Variants in HEMK2 observed in about 807,000 individuals in gnomAD.
HEMK2 encodes methyltransferase HEMK2.
At chr21:28,669,966 G>A in the HEMK2 span, among the ~76,000 whole-genome samples, 1 of 152,208 alleles carries the variant, frequency 6.6e-6, no homozygotes, top group Non-Finnish European at 1.5e-5. Context: ...ATACTACTAG[G>A]AAGTATTCTC....
the HEMK2 span, among the ~76,000 whole-genome samples, chr21:28,822,321 G>A: frequency 1.3e-5 from 2 of 152,210 alleles, no homozygotes; most frequent in Non-Finnish European, 2.9e-5. Flanking sequence ...TATAAGGTTT[G>A]ACTATTTTAA....
the HEMK2 span, among the ~76,000 whole-genome samples, chr21:28,822,249 AT>A: frequency 1.3e-5 from 2 of 152,102 alleles, no homozygotes; most frequent in Non-Finnish European, 2.9e-5. Context: ...AAAATAAAGT[AT>A]TTTTTCATTT....
At chr21:28,689,083 A>G in the HEMK2 span, among the ~76,000 whole-genome samples, 2 of 151,930 alleles carry the variant, frequency 1.3e-5, no homozygotes, top group Non-Finnish European at 2.9e-5. Flanking sequence ...CATACCATCA[A>G]TTAAGAAAAA....
At chr21:28,702,860 G>A in the HEMK2 span, among the ~76,000 whole-genome samples, 3 of 152,062 alleles carry the variant, frequency 2.0e-5, no homozygotes, top group East Asian at 5.8e-4. Flanking sequence ...ACATGCACTT[G>A]TATGTTCATT....
At chr21:28,576,806 G>T in the HEMK2 span, among the ~76,000 whole-genome samples, 1 of 152,118 alleles carries the variant, frequency 6.6e-6, no homozygotes. Flanking sequence ...CACCTCCCGG[G>T]TTCAAGCAAT....
chr21:28,776,529 T>C, the HEMK2 span, among the ~76,000 whole-genome samples: 4 of 152,174 alleles, frequency 2.6e-5, no homozygotes, highest in African/African-American at 7.2e-5. Flanking sequence ...ACTAATAGCA[T>C]AGATGTATAT....
chr21:28,814,193 T>C, the HEMK2 span, among the ~76,000 whole-genome samples: 61 of 152,132 alleles, frequency 4.0e-4, no homozygotes, highest in East Asian at 0.011. Flanking sequence ...GCCGAGATCA[T>C]GCCACTGCAC....
At chr21:28,719,982 T>C in the HEMK2 span, among the ~76,000 whole-genome samples, 1 of 152,226 alleles carries the variant, frequency 6.6e-6, no homozygotes, top group Admixed American at 6.5e-5. Flanking sequence ...GTGGACATAC[T>C]GTAAAACAAG....
the HEMK2 span, among the ~76,000 whole-genome samples, chr21:28,670,472 C>T: frequency 1.1e-3 from 163 of 152,232 alleles, 1 homozygote; most frequent in African/African-American, 3.7e-3. Flanking sequence ...CATAAGGACA[C>T]GGTTTCTCTC....
At chr21:28,881,564 T>C in the HEMK2 span, among the ~76,000 whole-genome samples, 1 of 151,012 alleles carries the variant, frequency 6.6e-6, no homozygotes, top group African/African-American at 2.4e-5. Context: ...AGTTCAGAGA[T>C]AAGAAAAAGA....
chr21:28,613,603 T>C, the HEMK2 span, among the ~76,000 whole-genome samples: 1 of 148,882 alleles, frequency 6.7e-6, no homozygotes, highest in Non-Finnish European at 1.5e-5. Context: ...CCTTCTCTCC[T>C]TTCTTTCTGC....
the HEMK2 span, among the ~76,000 whole-genome samples, chr21:28,688,415 T>C: frequency 6.6e-6 from 1 of 152,168 alleles, no homozygotes; most frequent in South Asian, 2.1e-4. Context: ...TGCATTAACT[T>C]TTATCTTCAG....
chr21:28,747,201 T>A, the HEMK2 span, among the ~76,000 whole-genome samples: 1 of 152,196 alleles, frequency 6.6e-6, no homozygotes, highest in Non-Finnish European at 1.5e-5. Flanking sequence ...GGAATTGCTA[T>A]GACCTGGGAG....
chr21:28,685,868 C>T, the HEMK2 span, among the ~76,000 whole-genome samples: 412 of 152,288 alleles, frequency 2.7e-3, 3 homozygotes, highest in African/African-American at 9.6e-3. Context: ...CACAACTTTG[C>T]TAACTGGAGC....
At chr21:28,712,395 T>G in the HEMK2 span, among the ~76,000 whole-genome samples, 6 of 152,234 alleles carry the variant, frequency 3.9e-5, no homozygotes, top group Admixed American at 6.5e-5. Flanking sequence ...AACTTGTTGA[T>G]CTAGAGGAAG....
At chr21:28,788,318 A>G in the HEMK2 span, among the ~76,000 whole-genome samples, 1 of 151,666 alleles carries the variant, frequency 6.6e-6, no homozygotes, top group African/African-American at 2.4e-5. Context: ...ATATGTGTAT[A>G]CATATATGAT....
chr21:28,672,577 G>A, the HEMK2 span, among the ~76,000 whole-genome samples: 5 of 151,980 alleles, frequency 3.3e-5, no homozygotes, highest in Admixed American at 1.3e-4. Context: ...AGAAGAAAGC[G>A]GGCTCTCCAG....
the HEMK2 span, among the ~76,000 whole-genome samples, chr21:28,782,514 C>G: frequency 2.6e-5 from 4 of 152,174 alleles, no homozygotes; most frequent in South Asian, 8.3e-4. Flanking sequence ...ACAAATTATA[C>G]CTATTCAAAA....
the HEMK2 span, among the ~76,000 whole-genome samples, chr21:28,585,638 A>G: frequency 6.6e-6 from 1 of 152,190 alleles, no homozygotes; most frequent in South Asian, 2.1e-4. Context: ...ACAAAGTTAG[A>G]AATTAGTGAG....
Sources: allele counts gnomAD v4.1 joint callset (sites outside exome capture counted in the v4.1 genomes callset), GRCh38; gene constraint gnomAD v4.1.1; transcripts MANE v1.5; gene names NCBI Gene and HGNC (gene_info 2026-07-23, HGNC 2026-07-21).